The following SLC71A2 variants were observed in gnomAD, a reference collection of about 807,000 sequenced individuals.
SLC71A2 encodes solute carrier family 71 member 2.
At chr9:94,407,324 A>T in the SLC71A2 span, among the ~76,000 whole-genome samples, 12 of 151,814 alleles carry the variant, frequency 7.9e-5, no homozygotes, top group African/African-American at 2.9e-4. Context: ...TGGTTTGCTA[A>T]TATTTTGTTG....
chr9:94,459,332 A>T, the SLC71A2 span: 1 of 1,614,162 alleles, frequency 6.2e-7, no homozygotes, highest in South Asian at 1.1e-5. Flanking sequence ...TGATGAGGAC[A>T]TTGAGCCACT....
At chr9:94,452,071 A>G in the SLC71A2 span, among the ~76,000 whole-genome samples, 1 of 152,238 alleles carries the variant, frequency 6.6e-6, no homozygotes, top group East Asian at 1.9e-4. Context: ...CCTACTTTTT[A>G]GAATATTTGT....
At chr9:94,432,363 G>T in the SLC71A2 span, among the ~76,000 whole-genome samples, 1 of 151,078 alleles carries the variant, frequency 6.6e-6, no homozygotes, top group African/African-American at 2.4e-5. Context: ...AGCCGGTTGT[G>T]GTGGTGCATG....
the SLC71A2 span, among the ~76,000 whole-genome samples, chr9:94,427,180 G>C: frequency 2.0e-5 from 3 of 152,156 alleles, no homozygotes; most frequent in Admixed American, 1.3e-4. Context: ...AGCCTGAGTA[G>C]AATATATGTT....
At chr9:94,430,223 A>AT in the SLC71A2 span, among the ~76,000 whole-genome samples, 4,231 of 102,440 alleles carry the variant, frequency 0.041, 181 homozygotes, top group African/African-American at 0.12. Context: ...CTTTTAAATA[A>AT]TTTTTTTTTT....
At chr9:94,415,256 A>G in the SLC71A2 span, 26 of 1,603,958 alleles carry the variant, frequency 1.6e-5, no homozygotes, top group Non-Finnish European at 2.1e-5. Flanking sequence ...TGTTGACTGT[A>G]AGTATTGCTG....
the SLC71A2 span, among the ~76,000 whole-genome samples, chr9:94,447,824 CTGTT>C: frequency 5.3e-5 from 8 of 152,150 alleles, no homozygotes; most frequent in African/African-American, 1.9e-4. Context: ...TATGCTATGC[CTGTT>C]TATCTCTCCC....
the SLC71A2 span, chr9:94,458,280 C>CA: frequency 6.3e-7 from 1 of 1,579,098 alleles, no homozygotes; most frequent in African/African-American, 1.4e-5. Flanking sequence ...CTTGAGATGC[C>CA]TTTCTGAGAA....
the SLC71A2 span, among the ~76,000 whole-genome samples, chr9:94,426,579 T>C: frequency 2.0e-5 from 3 of 152,202 alleles, no homozygotes; most frequent in South Asian, 2.1e-4. Context: ...TTTTCTGTTA[T>C]ATCTGTGGAA....
At chr9:94,442,976 G>C in the SLC71A2 span, among the ~76,000 whole-genome samples, 2 of 152,146 alleles carry the variant, frequency 1.3e-5, no homozygotes, top group South Asian at 4.1e-4. Flanking sequence ...GGCCAACAGA[G>C]TAGTGAGGGA....
the SLC71A2 span, among the ~76,000 whole-genome samples, chr9:94,394,822 G>A: frequency 6.9e-6 from 1 of 144,160 alleles, no homozygotes; most frequent in Non-Finnish European, 1.5e-5. Context: ...GAATTATGAA[G>A]ATATTGGCAG....
chr9:94,459,631 A>G, the SLC71A2 span: 1 of 493,374 alleles, frequency 2.0e-6, no homozygotes, highest in Non-Finnish European at 3.6e-6. Context: ...AGAACAAGAT[A>G]AGATTTGAAA....
At chr9:94,443,394 A>G in the SLC71A2 span, among the ~76,000 whole-genome samples, 1 of 152,196 alleles carries the variant, frequency 6.6e-6, no homozygotes, top group African/African-American at 2.4e-5. Context: ...GTGTCAGTCA[A>G]GTTCTAAGGA....
At chr9:94,389,952 C>T in the SLC71A2 span, among the ~76,000 whole-genome samples, 2 of 151,972 alleles carry the variant, frequency 1.3e-5, no homozygotes, top group Non-Finnish European at 2.9e-5. Context: ...CAGGGGCTCA[C>T]GCCTGTAATC....
the SLC71A2 span, among the ~76,000 whole-genome samples, chr9:94,399,890 C>T: frequency 6.6e-6 from 1 of 151,568 alleles, no homozygotes; most frequent in Non-Finnish European, 1.5e-5. Flanking sequence ...ACTACAACCT[C>T]TGCCTCCTGG....
the SLC71A2 span, among the ~76,000 whole-genome samples, chr9:94,435,271 C>G: frequency 2.0e-5 from 3 of 152,130 alleles, no homozygotes; most frequent in African/African-American, 7.2e-5. Flanking sequence ...AGAAGCAATG[C>G]AAAGAGAAAT....
chr9:94,400,066 C>G, the SLC71A2 span, among the ~76,000 whole-genome samples: 6 of 152,004 alleles, frequency 3.9e-5, no homozygotes, highest in Non-Finnish European at 5.9e-5. Context: ...CCGTCTAGGC[C>G]TCCCAAAGTT....
the SLC71A2 span, among the ~76,000 whole-genome samples, chr9:94,410,042 A>G: frequency 2.0e-5 from 3 of 148,260 alleles, no homozygotes; most frequent in Non-Finnish European, 4.5e-5. Context: ...TGATTTGTGT[A>G]TTTGTGCCTT....
At chr9:94,455,156 CT>C in the SLC71A2 span, among the ~76,000 whole-genome samples, 77 of 27,684 alleles carry the variant, frequency 2.8e-3, no homozygotes, top group South Asian at 4.4e-3. Flanking sequence ...TTGCTCTTTC[CT>C]TTTTTTTTTT....
Sources: gnomAD v4.1 joint callset for allele counts (sites outside exome capture counted in the v4.1 genomes callset) on GRCh38, gnomAD v4.1.1 for gene constraint, MANE v1.5 for transcripts, NCBI Gene and HGNC (gene_info 2026-07-23, HGNC 2026-07-21) for gene names.